The following HMG20A variants were observed in gnomAD, a reference collection of about 807,000 sequenced individuals.
HMG20A encodes high mobility group 20A.
In HMG20A, 17 loss-of-function variants were observed where a neutral mutation model predicts 43.9. The ratio of observed to expected loss-of-function variants is 0.39; its 90% CI spans 0.27 to 0.58. The LOEUF (loss-of-function observed/expected upper bound fraction) is 0.58, where lower values mean the gene tolerates loss of function less well. Among genes scored for constraint, HMG20A ranks in the 20% least tolerant of loss-of-function variants. The probability of loss-of-function intolerance (pLI) is 0.59; values close to 1 mark genes in which losing one functional copy is unlikely to be tolerated. For missense variants in HMG20A, 341 were observed against 438.2 expected, an observed-to-expected ratio of 0.78 and a Z score of 1.98; for synonymous variants, 132 against 147.5, an observed-to-expected ratio of 0.89 and a Z score of 0.76.
rs2072873187 is a variant in HMG20A, at chr15:77,478,161, A to G, written c.692-134A>G. The G allele has an allele frequency of 4.0e-6, 3 of 757,350 alleles. No individual in the cohort carries two copies. The South Asian group carries it at 4.7e-5, about 12-fold the overall frequency. The allele number at this position is 757,350 out of a possible 1,614,324, so 46.9% of individuals were successfully genotyped here. ...TGCTGAAATTGCTATCTGGAATGCCATAATGAGAATAGGGAGATGAGGTGG... is the reference window on the plus strand; with the variant it reads ...TGCTGAAATTGCTATCTGGAATGCCGTAATGAGAATAGGGAGATGAGGTGG... On this transcript the variant is annotated intron_variant, in intron 7 of 9. Coordinates refer to ENST00000336216, the MANE Select transcript of HMG20A (RefSeq NM_001304504.2).
At chr15:77,451,709 G>GA (rs796661109) in intron 1 of HMG20A, among the ~76,000 whole-genome samples, 4 of 152,100 alleles carry the variant, frequency 2.6e-5, no homozygotes, top group African/African-American at 7.2e-5. Context: ...TAAGTAAAAT[G>GA]AAAAAAGATA....
the HMG20A span, among the ~76,000 whole-genome samples, chr15:77,513,321 CCTT>C: frequency 6.6e-5 from 10 of 152,126 alleles, no homozygotes; most frequent in South Asian, 4.1e-4. Context: ...TTCTCTCTGT[CCTT>C]CTATCAATGC....
chr15:77,477,878 T>A (rs920667985), intron 7 of HMG20A, among the ~76,000 whole-genome samples: 1 of 152,138 alleles, frequency 6.6e-6, no homozygotes, highest in Non-Finnish European at 1.5e-5. Flanking sequence ...AAATAAAAAC[T>A]TACATGGGAG....
intron 1 of HMG20A, among the ~76,000 whole-genome samples, chr15:77,422,743 G>A (rs555781332): frequency 9.2e-4 from 140 of 152,164 alleles, no homozygotes; most frequent in African/African-American, 3.2e-3. Flanking sequence ...AAGAATCTAA[G>A]ACCCTAAAAT....
chr15:77,512,100 C>T, the HMG20A span, among the ~76,000 whole-genome samples: 1 of 152,182 alleles, frequency 6.6e-6, no homozygotes, highest in Non-Finnish European at 1.5e-5. Context: ...GAAATTCTGA[C>T]ACATGCTACA....
At chr15:77,438,458 GA>G (rs1478948530) in intron 1 of HMG20A, among the ~76,000 whole-genome samples, 2 of 151,750 alleles carry the variant, frequency 1.3e-5, no homozygotes, top group East Asian at 3.9e-4. Context: ...AGAATAATCA[GA>G]ATAAAGCAAA....
At chr15:77,498,966 G>A in the HMG20A span, among the ~76,000 whole-genome samples, 1 of 152,100 alleles carries the variant, frequency 6.6e-6, no homozygotes. Flanking sequence ...TTATTGGCTG[G>A]CATTCTACTC....
At chr15:77,512,706 A>G in the HMG20A span, among the ~76,000 whole-genome samples, 2 of 152,052 alleles carry the variant, frequency 1.3e-5, no homozygotes, top group Non-Finnish European at 2.9e-5. Flanking sequence ...TGGATACTAA[A>G]CCTACTGGGT....
the HMG20A span, among the ~76,000 whole-genome samples, chr15:77,510,286 C>T: frequency 6.6e-6 from 1 of 152,210 alleles, no homozygotes; most frequent in African/African-American, 2.4e-5. Flanking sequence ...GGCTACCTGG[C>T]TGCGCATGGA....
At chr15:77,480,367 A>T (rs2072895360) in intron 9 of HMG20A, among the ~76,000 whole-genome samples, 1 of 152,084 alleles carries the variant, frequency 6.6e-6, no homozygotes, top group Non-Finnish European at 1.5e-5. Context: ...TAGTCCTAGC[A>T]CTTTGGGAGG....
chr15:77,491,615 A>G, the HMG20A span, among the ~76,000 whole-genome samples: 3 of 152,200 alleles, frequency 2.0e-5, no homozygotes, highest in South Asian at 2.1e-4. Flanking sequence ...AGCTAACTAC[A>G]ATAGGGTCTG....
At chr15:77,465,150 T>C (rs2072743293) in intron 3 of HMG20A, among the ~76,000 whole-genome samples, 3 of 149,248 alleles carry the variant, frequency 2.0e-5, no homozygotes. Flanking sequence ...TAATTCCAGC[T>C]GCTCAGGAGG....
chr15:77,511,614 C>T, the HMG20A span, among the ~76,000 whole-genome samples: 388 of 152,254 alleles, frequency 2.5e-3, 6 homozygotes, highest in East Asian at 0.041. Context: ...CTTCAATAGA[C>T]GTTTCTCCAA....
the HMG20A span, among the ~76,000 whole-genome samples, chr15:77,510,433 A>G: frequency 3.9e-5 from 6 of 152,232 alleles, no homozygotes; most frequent in African/African-American, 1.4e-4. Flanking sequence ...GCCAGGATGA[A>G]AAGGAAACCT....
chr15:77,452,258 T>C (rs540891951), intron 1 of HMG20A, among the ~76,000 whole-genome samples: 3 of 152,272 alleles, frequency 2.0e-5, no homozygotes, highest in African/African-American at 4.8e-5. Context: ...CATGATATGC[T>C]CAAAACCAGG....
downstream of HMG20A, among the ~76,000 whole-genome samples, chr15:77,489,374 T>C (rs2142374736): frequency 6.6e-6 from 1 of 152,350 alleles, no homozygotes; most frequent in South Asian, 2.1e-4. Flanking sequence ...AAATGGTTTA[T>C]ATCCAGATAA....
chr15:77,432,334 T>TAA (rs896731554), intron 1 of HMG20A, among the ~76,000 whole-genome samples: 3 of 152,182 alleles, frequency 2.0e-5, no homozygotes, highest in Admixed American at 2.0e-4. Flanking sequence ...ATCAGTTATC[T>TAA]AAATACCCAT....
chr15:77,436,916 C>G (rs2073555647), intron 1 of HMG20A, among the ~76,000 whole-genome samples: 2 of 152,104 alleles, frequency 1.3e-5, no homozygotes, highest in Non-Finnish European at 2.9e-5. Context: ...CTGACATGGC[C>G]CCAGATCTGT....
the HMG20A span, among the ~76,000 whole-genome samples, chr15:77,514,629 G>A: frequency 6.6e-6 from 1 of 152,230 alleles, no homozygotes; most frequent in Non-Finnish European, 1.5e-5. Context: ...TGAGGTGTGG[G>A]AAGAGGCTAG....
Sources: allele counts gnomAD v4.1 joint callset (sites outside exome capture counted in the v4.1 genomes callset), GRCh38; gene constraint gnomAD v4.1.1; transcripts MANE v1.5; gene names NCBI Gene and HGNC (gene_info 2026-07-23, HGNC 2026-07-21).